Variants in HOXA3 observed in about 807,000 individuals in gnomAD.
HOXA3 encodes homeobox protein Hox-A3.
HOXA3 carries 8 observed loss-of-function variants against 30.3 expected under a neutral mutation model. The ratio of observed to expected loss-of-function variants is 0.26; its 90% CI spans 0.15 to 0.48. HOXA3 has a LOEUF of 0.48. Among genes scored for constraint, HOXA3 ranks in the 20% least tolerant of loss-of-function variants. The probability of loss-of-function intolerance (pLI) is 0.99; values close to 1 mark genes in which losing one functional copy is unlikely to be tolerated. For missense variants in HOXA3, 653 were observed against 614.4 expected (o/e 1.06, Z -0.66); for synonymous variants, 323 against 273.1 (o/e 1.18, Z -1.80).
chr7:27,144,266 C>T (rs1782675997), intron 1 of HOXA3, among the ~76,000 whole-genome samples: 1 of 152,284 alleles, frequency 6.6e-6, no homozygotes, highest in Non-Finnish European at 1.5e-5. Context: ...AGCCATTTAG[C>T]CAATTGGAGA....
Position 27,107,897 on chromosome 7 carries a change from G to T in HOXA3, c.*18C>A, listed in dbSNP as rs377427078. 2 of 1,490,684 alleles carry T rather than the reference G, an allele frequency of 1.3e-6. No individual in the cohort carries two copies. Among genetic ancestry groups the T allele is most frequent in the African/African-American group, 2.8e-5 (2 of 70,856 alleles). 92.3% of individuals were successfully genotyped at this position (1,490,684 alleles called of 1,614,324 possible). On this transcript the variant is annotated 3_prime_UTR_variant, in exon 6 of 6. Coordinates refer to ENST00000612286, the MANE Select transcript of HOXA3 (RefSeq NM_153631.3). ...GGGTGGGGGGAGACTCTCCTGGCGC[G>T]TAGCCCCAAGCCCACTATCACAGGT...
In HOXA3 at chr7:27,128,666, A is replaced by C. The variant is rs375321035; in HGVS notation, c.-389-1596T>G. 3.1e-4 allele frequency: 51 copies of C among 167,038 alleles called. No homozygotes were observed. In the East Asian group the frequency reaches 3.1e-3, roughly 10 times the overall value. 10.3% of individuals were successfully genotyped at this position (167,038 alleles called of 1,614,324 possible). A position where few individuals can be genotyped will look rare whatever the true frequency, so the allele number is the denominator to read the frequency against. On this transcript the variant is annotated intron_variant, in intron 2 of 5. Transcript: ENST00000612286. The stretch of plus-strand genomic sequence containing the variant: ...AAGGGGACAACAGTATCTCTGTAAC[A>C]GTGTCTTAAATAAATGCAAGTAAGA...
chr7:27,130,047 C>T, intron 2 of HOXA3: 1 of 1,500,608 alleles, frequency 6.7e-7, no homozygotes, highest in Non-Finnish European at 8.9e-7. Context: ...GCCTCTCCCT[C>T]CTGACCCCGA....
chr7:27,123,371 C>A (rs970819355), intron 3 of HOXA3: 4 of 152,416 alleles, frequency 2.6e-5, no homozygotes, highest in African/African-American at 4.8e-5. Flanking sequence ...CCTGGCCTTG[C>A]GCAACGGCCA....
Position 27,108,011 on chromosome 7 carries a change from C to G in HOXA3, c.1236G>C (p.Pro412=), listed in dbSNP as rs934961266. ...GPLGSGHHHG[P]GPGEPHPTYT... ...AGGTGGGGTGCGGCTCCCCAGGCCC[C>G]GGCCCGTGGTGGTGGCCGCTGCCCA... The change falls in exon 6 of 6, where the codon CCG becomes CCC. Residue 412 remains proline (P), a synonymous_variant. Coordinates refer to ENST00000612286, the MANE Select transcript of HOXA3 (RefSeq NM_153631.3). This position sits in a 1 kb window ranked among gnomAD's most constrained non-coding sequence, Gnocchi z 5.0. 2.4e-5 allele frequency: 39 copies of G among 1,612,544 alleles called. No individual in the cohort carries two copies. Among genetic ancestry groups the G allele is most frequent in the Non-Finnish European group, 3.2e-5 (38 of 1,179,084 alleles).
chr7:27,146,041 ACTATGT>A, intron 1 of HOXA3: 1 of 1,142,100 alleles, frequency 8.8e-7, no homozygotes, highest in South Asian at 1.5e-5. Context: ...AGCCTCTCCC[ACTATGT>A]CTGGGGCCCA....
chr7:27,108,372 T>C lies in HOXA3; in HGVS notation c.875A>G (p.Gln292Arg), dbSNP rs759097377. ...SLVNSVPYEP[Q>R]SPPPFSKPPQ... Reference sequence around the variant, plus strand: ...GGGCTTGGAGAAGGGCGGGGGCGACTGGGGCTCATACGGGACGCTGTTGAC... The same window carrying C: ...GGGCTTGGAGAAGGGCGGGGGCGACCGGGGCTCATACGGGACGCTGTTGAC... Residue 292 changes from glutamine (Q) to arginine (R), a missense_variant, in exon 6 of 6, where the codon CAG (glutamine) becomes CGG (arginine). This residue lies in a region of HOXA3 where 330 missense variants were observed against 274.4 expected (regional missense o/e 1.20). Coordinates refer to ENST00000612286, the MANE Select transcript of HOXA3 (RefSeq NM_153631.3). This position sits in a 1 kb window ranked among gnomAD's most constrained non-coding sequence, Gnocchi z 5.0. 1.3e-6 allele frequency: 2 copies of C among 1,569,520 alleles called. No individual in the cohort carries two copies. Among genetic ancestry groups the C allele is most frequent in the Non-Finnish European group, 1.7e-6 (2 of 1,152,850 alleles).
intron 1 of HOXA3, chr7:27,142,982 A>G: frequency 7.2e-7 from 1 of 1,395,536 alleles, no homozygotes; most frequent in Non-Finnish European, 9.7e-7. Context: ...GCGGCAGAGA[A>G]GAGAGGGGGG....
At chr7:27,135,608 T>A (rs936767904) in intron 2 of HOXA3, among the ~76,000 whole-genome samples, 1 of 152,224 alleles carries the variant, frequency 6.6e-6, no homozygotes, top group Admixed American at 6.5e-5. Flanking sequence ...AGTGTCTGTG[T>A]TTGCATTTAT....
chr7:27,130,209 G>A lies in HOXA3; in HGVS notation c.-389-3139C>T, dbSNP rs759585700. ...GGCTCTTGTCGGCCAAGAGCAGCGG[G>A]CACGCGGGGGCGCTGCCCCCTGCCG... On this transcript the variant is annotated intron_variant, in intron 2 of 5. Transcript: ENST00000612286. 6 of 1,534,636 alleles carry A rather than the reference G, an allele frequency of 3.9e-6. 1 individual carries two copies. Among genetic ancestry groups the A allele is most frequent in the South Asian group, 2.4e-5 (2 of 84,670 alleles).
chr7:27,109,190 C>G (rs575976288), intron 5 of HOXA3, among the ~76,000 whole-genome samples: 1 of 152,190 alleles, frequency 6.6e-6, no homozygotes, highest in Non-Finnish European at 1.5e-5. Flanking sequence ...TTTCTCTCTA[C>G]CCAGAGGAGA....
At chr7:27,126,418 T>G (rs1022627574) in intron 3 of HOXA3, among the ~76,000 whole-genome samples, 1 of 151,142 alleles carries the variant, frequency 6.6e-6, no homozygotes, top group Non-Finnish European at 1.5e-5. Context: ...AGGTCAAGGA[T>G]TTGAGGGGCC....
intron 1 of HOXA3, chr7:27,147,915 G>A (rs541061378): frequency 2.5e-4 from 165 of 664,894 alleles, no homozygotes; most frequent in Non-Finnish European, 3.7e-4. Flanking sequence ...GAACGCCGGA[G>A]CCCGCTCCCC....
At chr7:27,139,563 C>T (rs1156323968) in intron 2 of HOXA3, among the ~76,000 whole-genome samples, 2 of 152,260 alleles carry the variant, frequency 1.3e-5, no homozygotes, top group African/African-American at 4.8e-5. Flanking sequence ...TGCCACAGCC[C>T]CGTAAGGAAT....
chr7:27,107,818 G>GGGC lies in HOXA3; in HGVS notation c.*94_*96dup. The GGGC allele has an allele frequency of 1.2e-6, 1 of 807,654 alleles. No individual in the cohort carries two copies. The highest frequency in any genetic ancestry group is 2.7e-5 in the East Asian group (1 of 37,310). The allele number at this position is 807,654 out of a possible 1,614,324, so 50.0% of individuals were successfully genotyped here. A position where few individuals can be genotyped will look rare whatever the true frequency, so the allele number is the denominator to read the frequency against. On this transcript the variant is annotated 3_prime_UTR_variant, in exon 6 of 6. Transcript: ENST00000612286. ...GAAGAGAGAAAAGGAAGGAAGGAAA[G>GGGC]GGCAGGAAGAACCTAAAAAAAAAAA...
intron 1 of HOXA3, chr7:27,147,229 T>C: frequency 7.5e-7 from 1 of 1,336,750 alleles, no homozygotes; most frequent in East Asian, 2.3e-5. Context: ...TATTCCTCTT[T>C]CTACTCTGTT....
At chr7:27,143,222 G>T (rs1251021298) in intron 1 of HOXA3, 1 of 1,610,204 alleles carries the variant, frequency 6.2e-7, no homozygotes, top group Non-Finnish European at 8.5e-7. Context: ...GGCGTCGGCC[G>T]AGGCGCCGCT....
intron 1 of HOXA3, among the ~76,000 whole-genome samples, chr7:27,152,001 G>A (rs1281139323): frequency 6.6e-6 from 1 of 152,176 alleles, no homozygotes; most frequent in Non-Finnish European, 1.5e-5. Flanking sequence ...CTGTGCCTTG[G>A]CGCTGTGCCA....
intron 4 of HOXA3, chr7:27,121,941 GA>G (rs1188774589): frequency 3.9e-5 from 6 of 153,010 alleles, no homozygotes; most frequent in African/African-American, 1.4e-4. Context: ...CCAAGACATA[GA>G]AAACCACGCT....
Sources: gnomAD v4.1 joint callset for allele counts (sites outside exome capture counted in the v4.1 genomes callset) on GRCh38, gnomAD v4.1.1 for gene constraint, gnomAD v4.1.1 regional missense constraint, Gnocchi (gnomAD v3.1) non-coding constraint, MANE v1.5 for transcripts, NCBI Gene and HGNC (gene_info 2026-07-23, HGNC 2026-07-21) for gene names.